The following GABRG3 variants were observed in gnomAD, a reference collection of about 807,000 sequenced individuals.
GABRG3 encodes gamma-aminobutyric acid receptor subunit gamma-3.
In GABRG3, 25 loss-of-function variants were observed where a neutral mutation model predicts 48.8. The observed-to-expected ratio is 0.51, with a 90% confidence interval of 0.37 to 0.72. GABRG3 has a LOEUF of 0.72. GABRG3 is among the 30% of genes least tolerant of loss of function. The pLI is 0.00. For missense variants in GABRG3, 394 were observed against 577.9 expected (o/e 0.68, Z 3.26); for synonymous variants, 227 against 217.6 (o/e 1.04, Z -0.38).
chr15:27,335,235 G>C (rs1485944675), intron 5 of GABRG3, among the ~76,000 whole-genome samples: 1 of 138,076 alleles, frequency 7.2e-6, no homozygotes, highest in African/African-American at 3.2e-5. Context: ...CCAGCTTTCA[G>C]TTCTTACGGG....
intron 3 of GABRG3, among the ~76,000 whole-genome samples, chr15:27,041,824 A>T (rs1218309985): frequency 6.6e-6 from 1 of 152,126 alleles, no homozygotes; most frequent in African/African-American, 2.4e-5. Flanking sequence ...ACACAGCAAG[A>T]GGAGAGGTGC....
intron 5 of GABRG3, among the ~76,000 whole-genome samples, chr15:27,470,554 C>T (rs1190577597): frequency 6.6e-6 from 1 of 151,436 alleles, no homozygotes; most frequent in Non-Finnish European, 1.5e-5. Flanking sequence ...GGCTTATGGG[C>T]CATTTTTATT....
chr15:27,275,693 A>G (rs184573492), intron 3 of GABRG3, among the ~76,000 whole-genome samples: 2 of 152,352 alleles, frequency 1.3e-5, no homozygotes, highest in East Asian at 3.9e-4. Flanking sequence ...TGTTAAGAAC[A>G]GACAAATGAT....
intron 3 of GABRG3, among the ~76,000 whole-genome samples, chr15:27,221,719 C>A (rs907680325): frequency 4.6e-5 from 7 of 152,158 alleles, no homozygotes; most frequent in South Asian, 2.1e-4. Context: ...TTAATAATTT[C>A]TCCTGTATTT....
At chr15:27,351,862 T>G (rs947384799) in intron 5 of GABRG3, among the ~76,000 whole-genome samples, 1 of 150,860 alleles carries the variant, frequency 6.6e-6, no homozygotes, top group Non-Finnish European at 1.5e-5. Context: ...TGTGTTTGTG[T>G]ATGGTGTGTG....
At chr15:27,394,587 T>C (rs1428195117) in intron 5 of GABRG3, among the ~76,000 whole-genome samples, 1 of 152,138 alleles carries the variant, frequency 6.6e-6, no homozygotes, top group Non-Finnish European at 1.5e-5. Context: ...GTCTATCCAT[T>C]TGTTTTTTCA....
intron 5 of GABRG3, among the ~76,000 whole-genome samples, chr15:27,369,226 T>C (rs1895313684): frequency 6.6e-6 from 1 of 152,136 alleles, no homozygotes; most frequent in Non-Finnish European, 1.5e-5. Context: ...TAGCAGAAAG[T>C]TCTAGATAAT....
chr15:27,305,093 T>A (rs1011044695), intron 3 of GABRG3, among the ~76,000 whole-genome samples: 13 of 151,916 alleles, frequency 8.6e-5, no homozygotes, highest in African/African-American at 3.1e-4. Flanking sequence ...TTTTAATACA[T>A]TTTGAGTTAA....
chr15:27,509,664 T>A (rs1890851344), intron 6 of GABRG3, among the ~76,000 whole-genome samples: 1 of 152,178 alleles, frequency 6.6e-6, no homozygotes. Context: ...TCTTACTACA[T>A]TTTTGATTTC....
intron 5 of GABRG3, among the ~76,000 whole-genome samples, chr15:27,420,358 T>C (rs901653918): frequency 6.6e-6 from 1 of 152,204 alleles, no homozygotes; most frequent in African/African-American, 2.4e-5. Flanking sequence ...TATGATCTCA[T>C]TTATAAGTGA....
At chr15:27,376,431 A>G (rs1895598239) in intron 5 of GABRG3, among the ~76,000 whole-genome samples, 2 of 152,190 alleles carry the variant, frequency 1.3e-5, no homozygotes, top group Admixed American at 1.3e-4. Flanking sequence ...TTCCTTCTGC[A>G]CTACACTAGT....
At chr15:26,982,298 A>G (rs1274614424) in intron 2 of GABRG3, among the ~76,000 whole-genome samples, 1 of 152,196 alleles carries the variant, frequency 6.6e-6, no homozygotes, top group East Asian at 1.9e-4. Flanking sequence ...TCCTCTGGAT[A>G]AGCTAAGTCC....
At chr15:27,068,839 G>A (rs1412857940) in intron 3 of GABRG3, among the ~76,000 whole-genome samples, 1 of 152,166 alleles carries the variant, frequency 6.6e-6, no homozygotes, top group Non-Finnish European at 1.5e-5. Context: ...TGCAGTTAGG[G>A]CATTTTGTTT....
chr15:27,121,965 G>A (rs2140376884), intron 3 of GABRG3, among the ~76,000 whole-genome samples: 1 of 152,320 alleles, frequency 6.6e-6, no homozygotes, highest in South Asian at 2.1e-4. Context: ...GCTGGGAAGG[G>A]TAGTGGAGAT....
chr15:27,359,902 T>A (rs1367514899), intron 5 of GABRG3, among the ~76,000 whole-genome samples: 1 of 152,218 alleles, frequency 6.6e-6, no homozygotes, highest in Non-Finnish European at 1.5e-5. Flanking sequence ...TATTTCCATA[T>A]ACGTTTTTCT....
chr15:27,010,755 C>G (rs770244411), intron 2 of GABRG3, among the ~76,000 whole-genome samples: 2 of 152,218 alleles, frequency 1.3e-5, no homozygotes, highest in Non-Finnish European at 2.9e-5. Flanking sequence ...AGAGCTTAAT[C>G]TCCATTGCCT....
At chr15:27,060,647 A>G (rs1395161670) in intron 3 of GABRG3, among the ~76,000 whole-genome samples, 1 of 152,204 alleles carries the variant, frequency 6.6e-6, no homozygotes, top group Non-Finnish European at 1.5e-5. Context: ...TCCCTGCCCA[A>G]AAGGAAAATC....
At chr15:27,156,127 G>T (rs1422706960) in intron 3 of GABRG3, among the ~76,000 whole-genome samples, 1 of 151,590 alleles carries the variant, frequency 6.6e-6, no homozygotes, top group African/African-American at 2.4e-5. Flanking sequence ...GTGAAACCCT[G>T]TCTCTACTAA....
chr15:27,104,356 T>C (rs1277302638), intron 3 of GABRG3, among the ~76,000 whole-genome samples: 1 of 152,230 alleles, frequency 6.6e-6, no homozygotes, highest in Non-Finnish European at 1.5e-5. Flanking sequence ...CATGAGTCAG[T>C]CATGGCCAAA....
Sources: gnomAD v4.1 joint callset for allele counts (sites outside exome capture counted in the v4.1 genomes callset) on GRCh38, gnomAD v4.1.1 for gene constraint, MANE v1.5 for transcripts, NCBI Gene and HGNC (gene_info 2026-07-23, HGNC 2026-07-21) for gene names.